CSMD3: variants seen among roughly 807,000 people sequenced by gnomAD.
CSMD3 encodes CUB and sushi domain-containing protein 3.
A neutral mutation model predicts 435.2 loss-of-function variants in CSMD3; 177 were observed. The ratio of observed to expected loss-of-function variants is 0.41; its 90% CI spans 0.36 to 0.46. CSMD3 has a LOEUF of 0.46. CSMD3 is among the 20% of genes least tolerant of loss of function. The pLI is 0.34. For synonymous variants in CSMD3, 1,656 were observed against 1,520.5 expected (o/e 1.09, Z -2.07); for missense variants, 4,265 against 4,504.6 (o/e 0.95, Z 1.52).
At chr8:113,244,029 T>C (rs1325936891) in intron 3 of CSMD3, among the ~76,000 whole-genome samples, 2 of 152,204 alleles carry the variant, frequency 1.3e-5, no homozygotes, top group African/African-American at 2.4e-5. Context: ...TTGTATAGTA[T>C]AGATTTGTAT....
chr8:112,845,703 G>A (rs1331957802), intron 11 of CSMD3, among the ~76,000 whole-genome samples: 1 of 151,902 alleles, frequency 6.6e-6, no homozygotes, highest in Non-Finnish European at 1.5e-5. Flanking sequence ...CAGGCTTGGA[G>A]TAAGCAGAAA....
intron 32 of CSMD3, among the ~76,000 whole-genome samples, chr8:112,469,339 T>C (rs562814253): frequency 9.2e-5 from 14 of 152,246 alleles, no homozygotes; most frequent in South Asian, 2.1e-4. Flanking sequence ...TGATCTTTCA[T>C]GGGTGATTTA....
chr8:113,372,512 T>C (rs1427357433), intron 1 of CSMD3, among the ~76,000 whole-genome samples: 2 of 152,170 alleles, frequency 1.3e-5, no homozygotes, highest in African/African-American at 4.8e-5. Flanking sequence ...TTGATGCAAA[T>C]GAAGCAGGCA....
intron 58 of CSMD3, among the ~76,000 whole-genome samples, chr8:112,281,969 G>A (rs538548529): frequency 1.3e-5 from 2 of 152,012 alleles, no homozygotes; most frequent in Admixed American, 6.6e-5. Context: ...TTACAAACAC[G>A]AATGTCTTTT....
At chr8:113,108,319 T>C (rs1279408257) in intron 4 of CSMD3, among the ~76,000 whole-genome samples, 2 of 151,648 alleles carry the variant, frequency 1.3e-5, no homozygotes, top group Non-Finnish European at 2.9e-5. Flanking sequence ...TCCCAGCTAC[T>C]CAGGAGGCTG....
chr8:113,414,989 TAAC>T (rs1489626272), intron 1 of CSMD3, among the ~76,000 whole-genome samples: 2 of 151,476 alleles, frequency 1.3e-5, no homozygotes, highest in African/African-American at 2.4e-5. Context: ...AAACAAAAAA[TAAC>T]AACAACAAAA....
At chr8:113,213,337 G>C (rs1011117442) in intron 3 of CSMD3, among the ~76,000 whole-genome samples, 4 of 152,072 alleles carry the variant, frequency 2.6e-5, no homozygotes, top group African/African-American at 7.2e-5. Flanking sequence ...CATGAACACA[G>C]TGTAATTTGT....
Position 113,314,758 on chromosome 8 carries a change from G to C in CSMD3, c.214C>G (p.Leu72Val), listed in dbSNP as rs767064305. The C allele has an allele frequency of 4.3e-5, 70 of 1,612,364 alleles. No individual in the cohort carries two copies. The highest frequency in any genetic ancestry group is 5.8e-5 in the Non-Finnish European group (68 of 1,178,832). ...CCAGGGCTTTCTATAGTGCCATTAA[G>C]TCCTTTTAAAGTTCCACCACATGTA... Reference protein sequence around the residue: ...IYTCGGTLKGLNGTIESPGFP... With the variant: ...IYTCGGTLKGVNGTIESPGFP... Residue 72 changes from leucine to valine, a missense_variant, in exon 2 of 71, where the codon CTT (leucine) becomes GTT (valine). Around this residue, in one of 3 missense-constraint regions of CSMD3, gnomAD observed 731 missense variants for 755.4 expected, o/e 0.97. Transcript: ENST00000297405.
chr8:112,474,289 C>T (rs546097796), intron 31 of CSMD3, among the ~76,000 whole-genome samples: 10 of 152,186 alleles, frequency 6.6e-5, no homozygotes, highest in South Asian at 2.1e-4. Context: ...TGCCAACCCC[C>T]GAACTAGAGT....
intron 31 of CSMD3, among the ~76,000 whole-genome samples, chr8:112,473,755 T>C (rs1387618533): frequency 1.4e-5 from 2 of 143,588 alleles, no homozygotes; most frequent in African/African-American, 2.6e-5. Context: ...CACCTTGCCA[T>C]CTGGCCCTGC....
chr8:113,372,542 C>A (rs1489843769), intron 1 of CSMD3, among the ~76,000 whole-genome samples: 1 of 152,096 alleles, frequency 6.6e-6, no homozygotes, highest in Non-Finnish European at 1.5e-5. Flanking sequence ...TAGGGGGAGT[C>A]CTGATCTTAT....
At chr8:112,632,319 T>C (rs1360849917) in intron 22 of CSMD3, among the ~76,000 whole-genome samples, 4 of 152,014 alleles carry the variant, frequency 2.6e-5, no homozygotes, top group Non-Finnish European at 5.9e-5. Context: ...AGATGTGTAA[T>C]ATAGAGTTAT....
intron 10 of CSMD3, among the ~76,000 whole-genome samples, chr8:112,884,425 GT>G (rs1052143642): frequency 5.3e-5 from 8 of 151,572 alleles, no homozygotes; most frequent in Non-Finnish European, 4.4e-5. Context: ...TTCATGTAGG[GT>G]TTTTCGGCCT....
At chr8:113,362,617 C>T (rs1044985266) in intron 1 of CSMD3, among the ~76,000 whole-genome samples, 3 of 152,272 alleles carry the variant, frequency 2.0e-5, no homozygotes, top group Middle Eastern at 3.4e-3. Flanking sequence ...AGCTCTTTCC[C>T]ACTCAGTATT....
At position 112,910,854 on chromosome 8, in the gene CSMD3, G is replaced by A. The variant is rs137870342; in HGVS notation, c.1633+10773C>T. On this transcript the variant is annotated intron_variant, in intron 10 of 70. Transcript: ENST00000297405. Reference sequence around the variant, plus strand: ...ATACATCACTAATTCCAGTGAAAACGATTTTACCCAGGTCACTGGTGGCCT... The same window carrying A: ...ATACATCACTAATTCCAGTGAAAACAATTTTACCCAGGTCACTGGTGGCCT... Among the ~76,000 whole-genome samples the A allele has an allele frequency of 1.9e-4, 29 of 151,880 alleles. No individual in the cohort carries two copies. The East Asian group carries it at 5.5e-3, about 29-fold the overall frequency.
At chr8:112,659,085 G>T (rs1272075439) in intron 17 of CSMD3, among the ~76,000 whole-genome samples, 1 of 152,156 alleles carries the variant, frequency 6.6e-6, no homozygotes, top group Admixed American at 6.5e-5. Flanking sequence ...ATGCACGGAA[G>T]AGTCAGGGAT....
rs1168497356 is a variant in CSMD3, at chr8:112,318,827, C to T, written c.7360+10G>A. The T allele has an allele frequency of 6.4e-7, 1 of 1,558,240 alleles. No homozygotes were observed. Among genetic ancestry groups the T allele is most frequent in the East Asian group, 2.2e-5 (1 of 44,530 alleles). Reference sequence around the variant, plus strand: ...TTAAGAAATAAATAATCATAGGAACCATTGAATACCTTGACAAACTGGAGG... The same window carrying T: ...TTAAGAAATAAATAATCATAGGAACTATTGAATACCTTGACAAACTGGAGG... On this transcript the variant is annotated intron_variant, in intron 47 of 70. Coordinates refer to ENST00000297405, the MANE Select transcript of CSMD3 (RefSeq NM_198123.2).
chr8:112,772,181 AAAAG>A (rs1428447939), intron 13 of CSMD3, among the ~76,000 whole-genome samples: 4 of 152,036 alleles, frequency 2.6e-5, no homozygotes, highest in African/African-American at 7.2e-5. Flanking sequence ...AACTGTGGGG[AAAAG>A]AAAGAGAGAT....
intron 40 of CSMD3, among the ~76,000 whole-genome samples, chr8:112,350,364 C>A (rs944928442): frequency 4.7e-5 from 7 of 148,742 alleles, no homozygotes; most frequent in African/African-American, 1.7e-4. Flanking sequence ...GACTTATTAT[C>A]CAAAACTCTG....
Sources: gnomAD v4.1 joint callset for allele counts (sites outside exome capture counted in the v4.1 genomes callset) on GRCh38, gnomAD v4.1.1 for gene constraint, gnomAD v4.1.1 regional missense constraint, MANE v1.5 for transcripts, NCBI Gene and HGNC (gene_info 2026-07-23, HGNC 2026-07-21) for gene names.